The following BTBD9 variants were observed in gnomAD, a reference collection of about 807,000 sequenced individuals.
The protein encoded by BTBD9 is BTB/POZ domain-containing protein 9.
A neutral mutation model predicts 64.3 loss-of-function variants in BTBD9; 49 were observed. That is an observed-to-expected ratio of 0.76 (90% confidence interval 0.61 to 0.97). The LOEUF (loss-of-function observed/expected upper bound fraction) is 0.97, where lower values mean the gene tolerates loss of function less well. Ranked by LOEUF, BTBD9 falls within the 50% of genes least tolerant of loss-of-function variation. The pLI is 0.00. For synonymous variants in BTBD9, 260 were observed against 274.7 expected, an observed-to-expected ratio of 0.95 and a Z score of 0.53; for missense variants, 598 against 762.1, an observed-to-expected ratio of 0.78 and a Z score of 2.53.
intron 9 of BTBD9, among the ~76,000 whole-genome samples, chr6:38,210,421 A>C (rs1381350430): frequency 3.3e-5 from 5 of 152,164 alleles, no homozygotes; most frequent in Non-Finnish European, 7.3e-5. Flanking sequence ...CTGCAGCAGC[A>C]GCTGTGCTAG....
At chr6:38,525,066 A>G (rs1228655933) in intron 6 of BTBD9, among the ~76,000 whole-genome samples, 1 of 152,170 alleles carries the variant, frequency 6.6e-6, no homozygotes, top group Admixed American at 6.5e-5. Flanking sequence ...GGGGGATATC[A>G]TGATGGCACG....
chr6:38,450,344 T>C (rs185416388), intron 6 of BTBD9, among the ~76,000 whole-genome samples: 1 of 152,310 alleles, frequency 6.6e-6, no homozygotes, highest in Admixed American at 6.5e-5. Flanking sequence ...AGAGATCTAC[T>C]GTACAGTACA....
chr6:38,605,275 G>A (rs1165175163), intron 1 of BTBD9, among the ~76,000 whole-genome samples: 1 of 152,048 alleles, frequency 6.6e-6, no homozygotes, highest in African/African-American at 2.4e-5. Flanking sequence ...TCAAACTTCT[G>A]ACCTCAGGTG....
rs545562182 is a variant in BTBD9 at position 38,612,779 on chromosome 6, G to C, written c.-27-14658C>G. 14 of 152,174 alleles carry C rather than the reference G, an allele frequency of 9.2e-5. 1 individual carries two copies. The East Asian group carries it at 2.7e-3, about 29-fold the overall frequency. 9.4% of individuals were successfully genotyped at this position (152,174 alleles called of 1,614,324 possible). ...ACCCCCAAATCCCCTTCAAGTCTGAGATGAAGAGGCCAGGGGCACTCTCTG... is the reference window on the plus strand; with the variant it reads ...ACCCCCAAATCCCCTTCAAGTCTGACATGAAGAGGCCAGGGGCACTCTCTG... On this transcript the variant is annotated intron_variant, in intron 1 of 10. Coordinates refer to ENST00000481247, the MANE Select transcript of BTBD9 (RefSeq NM_001099272.2).
At chr6:38,466,449 G>A (rs9470882) in intron 6 of BTBD9, among the ~76,000 whole-genome samples, 3 of 151,742 alleles carry the variant, frequency 2.0e-5, no homozygotes, top group Non-Finnish European at 4.4e-5. Flanking sequence ...GTATCACTAC[G>A]CCTGACTAAT....
intron 6 of BTBD9, among the ~76,000 whole-genome samples, chr6:38,460,235 G>A (rs568647527): frequency 6.6e-6 from 1 of 152,214 alleles, no homozygotes; most frequent in East Asian, 1.9e-4. Flanking sequence ...GAGTTTCTCT[G>A]TACTGTCTAT....
intron 8 of BTBD9, 151 bp from the exon 9 acceptor site, chr6:38,256,667 C>T: frequency 1.7e-6 from 1 of 584,116 alleles, no homozygotes; most frequent in Non-Finnish European, 3.1e-6. Context: ...ATGAAGAGAA[C>T]AGGCAGAGTC....
At chr6:38,197,573 C>T (rs1157766335) in intron 9 of BTBD9, among the ~76,000 whole-genome samples, 2 of 152,164 alleles carry the variant, frequency 1.3e-5, no homozygotes, top group Non-Finnish European at 2.9e-5. Context: ...CTAAAGTCTC[C>T]GTTTCCCGTG....
chr6:38,539,109 T>C (rs189672760), intron 6 of BTBD9, among the ~76,000 whole-genome samples: 7 of 152,254 alleles, frequency 4.6e-5, no homozygotes, highest in Admixed American at 3.3e-4. Context: ...TTTAAGCTTT[T>C]TTTGGAGAGA....
At chr6:38,491,108 T>C (rs1413797290) in intron 6 of BTBD9, among the ~76,000 whole-genome samples, 3 of 152,200 alleles carry the variant, frequency 2.0e-5, no homozygotes, top group Admixed American at 6.5e-5. Flanking sequence ...AGGGCTGGTA[T>C]AGATCAGATC....
intron 8 of BTBD9, among the ~76,000 whole-genome samples, chr6:38,261,398 C>A (rs933690900): frequency 6.6e-6 from 1 of 152,112 alleles, no homozygotes; most frequent in Non-Finnish European, 1.5e-5. Flanking sequence ...AAAATCTATA[C>A]CAATTTATAT....
chr6:38,612,177 G>A, intron 1 of BTBD9, among the ~76,000 whole-genome samples: 1 of 152,176 alleles, frequency 6.6e-6, no homozygotes, highest in African/African-American at 2.4e-5. Flanking sequence ...ACACTTCTAT[G>A]TTATTTAGTT....
intron 4 of BTBD9, among the ~76,000 whole-genome samples, chr6:38,581,225 A>G (rs1403979509): frequency 6.6e-6 from 1 of 152,172 alleles, no homozygotes; most frequent in Non-Finnish European, 1.5e-5. Flanking sequence ...CAAAAATAGC[A>G]TGTAAGATGA....
intron 6 of BTBD9, among the ~76,000 whole-genome samples, chr6:38,545,959 G>C (rs978633626): frequency 4.0e-5 from 6 of 151,088 alleles, no homozygotes; most frequent in Non-Finnish European, 8.8e-5. Context: ...AGGCAGACCA[G>C]GTATCAAGCC....
At chr6:38,606,829 G>A (rs1330007188) in intron 1 of BTBD9, among the ~76,000 whole-genome samples, 1 of 152,056 alleles carries the variant, frequency 6.6e-6, no homozygotes, top group African/African-American at 2.4e-5. Context: ...TTACAGACAG[G>A]AAATTGAGAC....
rs1009178350 is a variant in BTBD9, at chr6:38,170,240, T to C, written c.*4745A>G. The stretch of plus-strand genomic sequence containing the variant: ...TGTGTCGGGTGGGGCGGCTCTTCCA[T>C]GCACCTGTCCCCTGCCTCTGCATGA... On this transcript the variant is annotated 3_prime_UTR_variant, in exon 11 of 11. Coordinates refer to ENST00000481247, the MANE Select transcript of BTBD9 (RefSeq NM_001099272.2). 3 of 152,544 alleles carry C rather than the reference T, an allele frequency of 2.0e-5. No homozygotes were observed. The highest frequency in any genetic ancestry group is 1.9e-4 in the East Asian group (1 of 5,184). The allele number at this position is 152,544 out of a possible 1,614,324, so 9.4% of individuals were successfully genotyped here.
chr6:38,401,809 G>T (rs897048048), intron 6 of BTBD9, among the ~76,000 whole-genome samples: 5 of 152,180 alleles, frequency 3.3e-5, no homozygotes, highest in Non-Finnish European at 5.9e-5. Flanking sequence ...GTAAAATGAA[G>T]ACAAAAGTTA....
At chr6:38,331,690 G>A (rs979242134) in intron 7 of BTBD9, among the ~76,000 whole-genome samples, 2 of 151,962 alleles carry the variant, frequency 1.3e-5, no homozygotes, top group African/African-American at 4.8e-5. Context: ...TGGGACCCCT[G>A]TCTCAACAAC....
intron 7 of BTBD9, among the ~76,000 whole-genome samples, chr6:38,295,926 G>A (rs1382302461): frequency 1.3e-5 from 2 of 152,062 alleles, no homozygotes; most frequent in African/African-American, 4.8e-5. Flanking sequence ...GTGCATGCCT[G>A]TAATCCCAGC....
Sources: gnomAD v4.1 joint callset for allele counts (sites outside exome capture counted in the v4.1 genomes callset) on GRCh38, gnomAD v4.1.1 for gene constraint, MANE v1.5 for transcripts, NCBI Gene and HGNC (gene_info 2026-07-23, HGNC 2026-07-21) for gene names.